SLC4A8: variants seen among roughly 807,000 people sequenced by gnomAD.
SLC4A8 encodes the protein solute carrier family 4 member 8, also known as electroneutral sodium bicarbonate exchanger 1.
Under a neutral mutation model 125.0 loss-of-function variants are expected in SLC4A8, and 40 were observed. That is an observed-to-expected ratio of 0.32 (90% confidence interval 0.25 to 0.42). SLC4A8 has a LOEUF of 0.42. Among genes scored for constraint, SLC4A8 ranks in the 10% least tolerant of loss-of-function variants. The pLI is 1.00. For missense variants in SLC4A8, 863 were observed against 1,355.1 expected (o/e 0.64, Z 5.70); for synonymous variants, 456 against 476.0 (o/e 0.96, Z 0.55).
intron 16 of SLC4A8, among the ~76,000 whole-genome samples, chr12:51,483,427 T>G (rs1951079517): frequency 6.6e-6 from 1 of 150,804 alleles, no homozygotes; most frequent in Non-Finnish European, 1.5e-5. Flanking sequence ...TTCCTGTAAG[T>G]GAGGTTTCAG....
intron 14 of SLC4A8, among the ~76,000 whole-genome samples, chr12:51,474,072 A>G (rs1464531928): frequency 6.6e-6 from 1 of 152,206 alleles, no homozygotes; most frequent in Admixed American, 6.5e-5. Context: ...CAACCAATCA[A>G]GACTCATTCT....
chr12:51,510,554 T>G lies in SLC4A8; in HGVS notation c.*3116T>G, dbSNP rs1938332477. The G allele has an allele frequency of 6.6e-6, 1 of 152,218 alleles. No individual in the cohort carries two copies. Among genetic ancestry groups the G allele is most frequent in the African/African-American group, 2.4e-5 (1 of 41,462 alleles). The allele number at this position is 152,218 out of a possible 1,614,324, so 9.4% of individuals were successfully genotyped here. A position where few individuals can be genotyped will look rare whatever the true frequency, so the allele number is the denominator to read the frequency against. On this transcript the variant is annotated 3_prime_UTR_variant, in exon 25 of 25. Coordinates refer to ENST00000453097, the MANE Select transcript of SLC4A8 (RefSeq NM_001039960.3). The stretch of plus-strand genomic sequence containing the variant: ...ATCTTGAATTTTTTCTCAATTATGC[T>G]TGCTAATGTGTCAAAGGCCAAGTAC...
At chr12:51,499,994 G>T (rs1340424552) in intron 22 of SLC4A8, among the ~76,000 whole-genome samples, 1 of 152,180 alleles carries the variant, frequency 6.6e-6, no homozygotes, top group Non-Finnish European at 1.5e-5. Flanking sequence ...TAGAGGTGAT[G>T]AAAGTGGCTG....
chr12:51,430,984 G>A (rs1180975946), intron 1 of SLC4A8, among the ~76,000 whole-genome samples: 1 of 152,224 alleles, frequency 6.6e-6, no homozygotes, highest in Non-Finnish European at 1.5e-5. Context: ...TCAGAAATCT[G>A]ATACAGGTCT....
chr12:51,422,805 T>A (rs1295963790), upstream of SLC4A8, among the ~76,000 whole-genome samples: 1 of 152,252 alleles, frequency 6.6e-6, no homozygotes, highest in African/African-American at 2.4e-5. Flanking sequence ...TTGCTCTTCT[T>A]ACCTTGGGTC....
intron 1 of SLC4A8, among the ~76,000 whole-genome samples, chr12:51,410,460 C>CTT (rs879520939): frequency 4.1e-5 from 6 of 144,648 alleles, no homozygotes; most frequent in African/African-American, 1.3e-4. Flanking sequence ...AAATTAATCT[C>CTT]TTTTTTTTTT....
In SLC4A8 at chr12:51,514,938, G is replaced by A. The variant is rs1379037215; in HGVS notation, c.*7500G>A. On this transcript the variant is annotated 3_prime_UTR_variant, in exon 25 of 25. Coordinates refer to ENST00000453097, the MANE Select transcript of SLC4A8 (RefSeq NM_001039960.3). ...GCATAATTCTTTTAGGAGATTCTGTGCTCAAAGGGAAGGGAATGGTTTCTG... is the reference window on the plus strand; with the variant it reads ...GCATAATTCTTTTAGGAGATTCTGTACTCAAAGGGAAGGGAATGGTTTCTG... 6.6e-6 allele frequency: 1 copy of A among 152,220 alleles called. No individual in the cohort carries two copies. Among genetic ancestry groups the A allele is most frequent in the Non-Finnish European group, 1.5e-5 (1 of 68,042 alleles). 9.4% of individuals were successfully genotyped at this position (152,220 alleles called of 1,614,324 possible).
upstream of SLC4A8, among the ~76,000 whole-genome samples, chr12:51,423,731 A>T (rs76719307): frequency 0.018 from 2,735 of 152,272 alleles, 84 homozygotes; most frequent in African/African-American, 0.063. Flanking sequence ...ATGATAGTGC[A>T]TATAAAACAA....
At chr12:51,425,835 A>G (rs1948952564) in intron 1 of SLC4A8, among the ~76,000 whole-genome samples, 1 of 152,196 alleles carries the variant, frequency 6.6e-6, no homozygotes, top group Non-Finnish European at 1.5e-5. Flanking sequence ...GGGAATAGTT[A>G]TGTCTGCTTT....
At chr12:51,489,321 G>A (rs975116992) in intron 18 of SLC4A8, among the ~76,000 whole-genome samples, 2 of 152,022 alleles carry the variant, frequency 1.3e-5, no homozygotes, top group African/African-American at 4.8e-5. Flanking sequence ...AGGATCTGGG[G>A]GTATGTGGTA....
rs762860652 is a variant in SLC4A8, at chr12:51,462,372, G to A, written c.1164G>A (p.Glu388=). 4.3e-6 allele frequency: 7 copies of A among 1,613,358 alleles called. No homozygotes were observed. Among genetic ancestry groups the A allele is most frequent in the Non-Finnish European group, 4.2e-6 (5 of 1,179,696 alleles). The change falls in exon 10 of 25, where the codon GAG becomes GAA. Residue 388 remains glutamate, a synonymous_variant. Transcript: ENST00000453097. ...ERDDLLAGID[E]FLDQVTVLPP... ...ATGATCTCCTGGCGGGGATTGATGA[G>A]TTCCTAGACCAGGTGACGGTGCTCC...
rs780328301 is a variant in SLC4A8, at chr12:51,505,827, G to T, written c.3174-8G>T. ...TCTGACATTCACTGTCCTAATGATT[G>T]ATTTCAGATGTGACCCCTCTGAGAT... On this transcript the variant is annotated splice_polypyrimidine_tract_variant and splice_region_variant and intron_variant, in intron 23 of 24. Coordinates refer to ENST00000453097, the MANE Select transcript of SLC4A8 (RefSeq NM_001039960.3). The T allele has an allele frequency of 1.5e-6, 2 of 1,314,826 alleles. No individual in the cohort carries two copies. Among genetic ancestry groups the T allele is most frequent in the South Asian group, 2.4e-5 (2 of 82,232 alleles). 81.4% of individuals were successfully genotyped at this position (1,314,826 alleles called of 1,614,324 possible).
intron 11 of SLC4A8, among the ~76,000 whole-genome samples, chr12:51,466,875 C>T (rs1269930790): frequency 6.6e-6 from 1 of 152,116 alleles, no homozygotes; most frequent in Non-Finnish European, 1.5e-5. Context: ...CTGTTGCTCA[C>T]AGACACTCCT....
intron 1 of SLC4A8, among the ~76,000 whole-genome samples, chr12:51,401,431 G>A (rs946963795): frequency 1.3e-5 from 2 of 152,178 alleles, no homozygotes; most frequent in Non-Finnish European, 2.9e-5. Context: ...CCTGAGTTGG[G>A]CCGCTCAGCA....
rs1278034710 is a variant in SLC4A8 at position 51,513,845 on chromosome 12, T to C, written c.*6407T>C. ...GGTTGATATCTCAGACTATGATAGC[T>C]GTGACCTTCAAGAAATTTCTGGCTT... On this transcript the variant is annotated 3_prime_UTR_variant, in exon 25 of 25. Transcript: ENST00000453097. 1 of 152,250 alleles carries C rather than the reference T, an allele frequency of 6.6e-6. No homozygotes were observed. The highest frequency in any genetic ancestry group is 1.5e-5 in the Non-Finnish European group (1 of 68,044). The allele number at this position is 152,250 out of a possible 1,614,324, so 9.4% of individuals were successfully genotyped here. A position where few individuals can be genotyped will look rare whatever the true frequency, so the allele number is the denominator to read the frequency against.
intron 11 of SLC4A8, among the ~76,000 whole-genome samples, chr12:51,467,709 C>A (rs891235945): frequency 6.6e-6 from 1 of 151,970 alleles, no homozygotes; most frequent in African/African-American, 2.4e-5. Context: ...TTTAATGAAC[C>A]CCCATGTACC....
chr12:51,447,909 C>T (rs147494354), intron 2 of SLC4A8, among the ~76,000 whole-genome samples: 5,740 of 151,532 alleles, frequency 0.038, 129 homozygotes, highest in Non-Finnish European at 0.056. Flanking sequence ...TTAGTGGAGA[C>T]GGGGTTTCAC....
chr12:51,442,363 C>T (rs1450422241), intron 2 of SLC4A8, among the ~76,000 whole-genome samples: 1 of 152,162 alleles, frequency 6.6e-6, no homozygotes, highest in Non-Finnish European at 1.5e-5. Context: ...TTTAGTTGTT[C>T]TATAGCAAGC....
At chr12:51,489,028 A>ATGGT (rs1290628690) in intron 18 of SLC4A8, among the ~76,000 whole-genome samples, 168 bp downstream of exon 18, 2 of 152,226 alleles carry the variant, frequency 1.3e-5, no homozygotes, top group African/African-American at 4.8e-5. Flanking sequence ...AGAGTGGAAC[A>ATGGT]TGGTTGTATG....
Sources: gnomAD v4.1 joint callset for allele counts (sites outside exome capture counted in the v4.1 genomes callset) on GRCh38, gnomAD v4.1.1 for gene constraint, MANE v1.5 for transcripts, NCBI Gene and HGNC (gene_info 2026-07-23, HGNC 2026-07-21) for gene names.